The following SIPA1L1 variants were observed in gnomAD, a reference collection of about 807,000 sequenced individuals.
The protein encoded by SIPA1L1 is signal induced proliferation associated 1 like 1, also known as signal-induced proliferation-associated 1-like protein 1.
A neutral mutation model predicts 162.7 loss-of-function variants in SIPA1L1; 26 were observed. The ratio of observed to expected loss-of-function variants is 0.16; its 90% confidence interval spans 0.12 to 0.22. The LOEUF is 0.22. Among genes scored for constraint, SIPA1L1 ranks in the 10% least tolerant of loss-of-function variants. The pLI is 1.00. For missense variants in SIPA1L1, 1,874 were observed against 2,241.0 expected, an observed-to-expected ratio of 0.84 and a Z score of 3.31; for synonymous variants, 829 against 837.4, an observed-to-expected ratio of 0.99 and a Z score of 0.17.
At chr14:71,508,135 A>G (rs191402217) in intron 2 of SIPA1L1, among the ~76,000 whole-genome samples, 2 of 152,304 alleles carry the variant, frequency 1.3e-5, no homozygotes, top group East Asian at 1.9e-4. Flanking sequence ...CCTCAAAGCT[A>G]TCAGATCTAC....
intron 2 of SIPA1L1, among the ~76,000 whole-genome samples, chr14:71,340,756 C>T (rs1233182352): frequency 2.0e-5 from 3 of 151,956 alleles, no homozygotes; most frequent in Non-Finnish European, 2.9e-5. Flanking sequence ...GCCAACGTGG[C>T]GAAACCCCAT....
At chr14:71,657,277 G>A (rs1055408638) in intron 8 of SIPA1L1, among the ~76,000 whole-genome samples, 1 of 151,170 alleles carries the variant, frequency 6.6e-6, no homozygotes. Flanking sequence ...GAACCCAGGA[G>A]GCAGAGGTTG....
intron 2 of SIPA1L1, among the ~76,000 whole-genome samples, chr14:71,504,450 C>T (rs577397208): frequency 1.3e-4 from 20 of 152,278 alleles, no homozygotes; most frequent in African/African-American, 4.8e-4. Flanking sequence ...TTTCCTCTCT[C>T]TATTCTCTAC....
intron 2 of SIPA1L1, among the ~76,000 whole-genome samples, chr14:71,325,402 A>G (rs1202081790): frequency 6.6e-6 from 1 of 152,218 alleles, no homozygotes; most frequent in Non-Finnish European, 1.5e-5. Flanking sequence ...TCTTAGAAGC[A>G]TGGGAAAGAT....
chr14:71,489,363 A>G (rs1042305945), intron 2 of SIPA1L1, among the ~76,000 whole-genome samples: 1 of 152,150 alleles, frequency 6.6e-6, no homozygotes, highest in African/African-American at 2.4e-5. Context: ...TCTTCAGTCC[A>G]CACTCATTAC....
At chr14:71,360,606 T>C (rs2037715907) in intron 2 of SIPA1L1, among the ~76,000 whole-genome samples, 1 of 152,262 alleles carries the variant, frequency 6.6e-6, no homozygotes, top group South Asian at 2.1e-4. Context: ...TATTTCATCC[T>C]ATACAAAGTA....
rs1305730654 is a variant in SIPA1L1, at chr14:71,377,241, C to T, written c.-465+56060C>T. Among the ~76,000 whole-genome samples the T allele has an allele frequency of 2.0e-5, 3 of 149,244 alleles. No homozygotes were observed. Among genetic ancestry groups the T allele is most frequent in the Admixed American group, 2.0e-4 (3 of 15,078 alleles). ...ATGGGGTGGCGGCTGGGCGGGGGTG[C>T]CCCCCCACCTCCCAGACGGGGCGGC... On this transcript the variant is annotated intron_variant, in intron 2 of 23. Transcript: ENST00000381232. The surrounding 1 kb of genome is among the most constrained non-coding windows in gnomAD (Gnocchi z 4.8).
intron 2 of SIPA1L1, among the ~76,000 whole-genome samples, chr14:71,440,512 A>G (rs1052261444): frequency 6.6e-6 from 1 of 151,424 alleles, no homozygotes; most frequent in Non-Finnish European, 1.5e-5. Flanking sequence ...CTAACTGACC[A>G]TGGGTGGGTG....
chr14:71,481,881 A>T (rs990618653), intron 2 of SIPA1L1, among the ~76,000 whole-genome samples: 2 of 152,262 alleles, frequency 1.3e-5, no homozygotes, highest in Admixed American at 1.3e-4. Flanking sequence ...CATTTTAATT[A>T]TAGAAAACGA....
intron 2 of SIPA1L1, among the ~76,000 whole-genome samples, chr14:71,461,826 G>A (rs1353488515): frequency 6.6e-6 from 1 of 152,206 alleles, no homozygotes; most frequent in South Asian, 2.1e-4. Flanking sequence ...TTTGGGTGGT[G>A]CCTGCATATC....
chr14:71,370,374 G>T (rs528104402), intron 2 of SIPA1L1, among the ~76,000 whole-genome samples: 3 of 152,024 alleles, frequency 2.0e-5, no homozygotes, highest in Non-Finnish European at 4.4e-5. Context: ...TAGCATGAAG[G>T]GTTGTTGAAT....
rs1595822162 is a variant in SIPA1L1, at chr14:71,507,801, A to G, written c.-464-4942A>G. On this transcript the variant is annotated intron_variant, in intron 2 of 23. Transcript: ENST00000381232. ...ACATATGTCAAGCTCCCCTAAAGCT[A>G]TAACTCTAGCCCTGTCAGCCTTCTC... 2.0e-5 allele frequency among the ~76,000 whole-genome samples: 3 copies of G among 152,152 alleles called. No individual in the cohort carries two copies. The South Asian group carries it at 6.2e-4, about 32-fold the overall frequency.
chr14:71,346,277 G>A, intron 2 of SIPA1L1, among the ~76,000 whole-genome samples: 1 of 152,130 alleles, frequency 6.6e-6, no homozygotes, highest in East Asian at 1.9e-4. Flanking sequence ...CTATATGTGT[G>A]GAAATCTCAA....
intron 2 of SIPA1L1, among the ~76,000 whole-genome samples, chr14:71,385,069 CA>C (rs2040208293): frequency 6.6e-6 from 1 of 152,184 alleles, no homozygotes; most frequent in South Asian, 2.1e-4. Context: ...CATCTTTCAA[CA>C]GTTGGAAACC....
chr14:71,424,919 T>A (rs1169744168), intron 2 of SIPA1L1, among the ~76,000 whole-genome samples: 3 of 152,122 alleles, frequency 2.0e-5, no homozygotes, highest in Non-Finnish European at 4.4e-5. Context: ...AGATTTTTTT[T>A]ATTACTGATT....
intron 17 of SIPA1L1, among the ~76,000 whole-genome samples, chr14:71,712,748 A>G (rs889228594): frequency 4.6e-5 from 7 of 152,230 alleles, no homozygotes; most frequent in Admixed American, 4.6e-4. Flanking sequence ...TTGAGAACAC[A>G]CATGAGAAAG....
At position 71,417,466 on chromosome 14, in the gene SIPA1L1, T is replaced by A. The variant is rs1405907805; in HGVS notation, c.-464-95277T>A. On this transcript the variant is annotated intron_variant, in intron 2 of 23. Transcript: ENST00000381232. Reference sequence around the variant, plus strand: ...CAGCCTGGGCGACAGCGAGACTCCGTCTCAAAAAAAAAAAAAAAAAAAAAA... The same window carrying A: ...CAGCCTGGGCGACAGCGAGACTCCGACTCAAAAAAAAAAAAAAAAAAAAAA... Among the ~76,000 whole-genome samples, 24 of 9,228 alleles carry A rather than the reference T, an allele frequency of 2.6e-3. 1 individual carries two copies. Among genetic ancestry groups the A allele is most frequent in the Admixed American group, 0.023 (12 of 522 alleles). The allele number at this position is 9,228 out of a possible 152,430, so 6.1% of individuals were successfully genotyped here.
chr14:71,724,179 C>T (rs2084015320), intron 18 of SIPA1L1, among the ~76,000 whole-genome samples: 1 of 152,140 alleles, frequency 6.6e-6, no homozygotes, highest in Admixed American at 6.5e-5. Flanking sequence ...GTGCTAAGAC[C>T]ATACTAGTCC....
chr14:71,532,612 A>G (rs1485361826), intron 4 of SIPA1L1, among the ~76,000 whole-genome samples: 1 of 152,226 alleles, frequency 6.6e-6, no homozygotes, highest in East Asian at 1.9e-4. Flanking sequence ...ATACTACATG[A>G]ATCATCTAAA....
Sources: gnomAD v4.1 joint callset for allele counts (sites outside exome capture counted in the v4.1 genomes callset) on GRCh38, gnomAD v4.1.1 for gene constraint, Gnocchi (gnomAD v3.1) non-coding constraint, MANE v1.5 for transcripts, NCBI Gene and HGNC (gene_info 2026-07-23, HGNC 2026-07-21) for gene names.